The following NARS2 variants were observed in gnomAD, a reference collection of about 807,000 sequenced individuals.
NARS2 encodes the protein asparaginyl-tRNA synthetase.
NARS2 carries 60 observed loss-of-function variants against 62.9 expected under a neutral mutation model. That is an observed-to-expected ratio of 0.95 (90% confidence interval 0.77 to 1.18). The LOEUF (loss-of-function observed/expected upper bound fraction) is 1.18, where lower values mean the gene tolerates loss of function less well. NARS2 is among the 50% of genes most tolerant of loss of function. The pLI is 0.00. For synonymous variants in NARS2, 196 were observed against 200.0 expected, an observed-to-expected ratio of 0.98 and a Z score of 0.17; for missense variants, 619 against 576.4, an observed-to-expected ratio of 1.07 and a Z score of -0.76.
intron 11 of NARS2, among the ~76,000 whole-genome samples, chr11:78,454,532 C>T (rs1858085930): frequency 1.3e-5 from 2 of 151,938 alleles, no homozygotes; most frequent in Admixed American, 1.3e-4. Flanking sequence ...GAGGCCACAC[C>T]AGAAGCTGAG....
chr11:78,511,824 T>C (rs1355796520), intron 6 of NARS2, among the ~76,000 whole-genome samples: 1 of 152,164 alleles, frequency 6.6e-6, no homozygotes, highest in Non-Finnish European at 1.5e-5. Context: ...TCAATAAAGT[T>C]GATTAAGAAA....
intron 6 of NARS2, among the ~76,000 whole-genome samples, chr11:78,503,320 C>T (rs1247955612): frequency 6.6e-6 from 1 of 152,176 alleles, no homozygotes; most frequent in Non-Finnish European, 1.5e-5. Context: ...TCACTGCAAC[C>T]CCCGCCTCCC....
chr11:78,470,882 ATTTTTT>A, intron 9 of NARS2, among the ~76,000 whole-genome samples: 1 of 135,162 alleles, frequency 7.4e-6, no homozygotes. Flanking sequence ...AGTATTTTGG[ATTTTTT>A]TTTTTTTTTT....
chr11:78,436,838 A>T (rs1591111540), intron 13 of NARS2, 24 bp from the exon 14 acceptor site: 1 of 1,608,024 alleles, frequency 6.2e-7, no homozygotes. Context: ...ATAGAAAATC[A>T]TCATCTATAT....
At chr11:78,542,099 T>C (rs1314649440) in intron 5 of NARS2, among the ~76,000 whole-genome samples, 1 of 152,202 alleles carries the variant, frequency 6.6e-6, no homozygotes, top group East Asian at 1.9e-4. Context: ...TTTCTTAAAA[T>C]AAGGGTTCAT....
chr11:78,456,718 G>A (rs1200401300), intron 11 of NARS2, among the ~76,000 whole-genome samples: 2 of 152,138 alleles, frequency 1.3e-5, no homozygotes, highest in African/African-American at 4.8e-5. Flanking sequence ...CAAGGACTGA[G>A]GGGCAGTCAC....
intron 10 of NARS2, among the ~76,000 whole-genome samples, chr11:78,466,605 C>T (rs1293233562): frequency 2.0e-5 from 3 of 152,034 alleles, no homozygotes; most frequent in Non-Finnish European, 4.4e-5. Context: ...CTCAGCCTCC[C>T]AAGTAACTGG....
chr11:78,443,839 C>T (rs1012650568), intron 11 of NARS2, 81 bp from the exon 12 acceptor site: 156 of 1,036,152 alleles, frequency 1.5e-4, no homozygotes, highest in Middle Eastern at 2.1e-4. Flanking sequence ...AAACCTTTAA[C>T]ATTTTGGCAA....
chr11:78,459,411 C>G (rs922690290), intron 11 of NARS2, among the ~76,000 whole-genome samples: 2 of 150,810 alleles, frequency 1.3e-5, no homozygotes, highest in African/African-American at 2.5e-5. Context: ...GCTGGGATTA[C>G]AGGTGTGTAC....
At chr11:78,484,660 A>T (rs1272687364) in intron 7 of NARS2, among the ~76,000 whole-genome samples, 1 of 152,244 alleles carries the variant, frequency 6.6e-6, no homozygotes, top group Non-Finnish European at 1.5e-5. Flanking sequence ...TCATTAGAAA[A>T]ATGCAAATAA....
intron 2 of NARS2, among the ~76,000 whole-genome samples, chr11:78,571,088 A>G (rs1856906106): frequency 6.6e-6 from 1 of 152,176 alleles, no homozygotes. Context: ...GCCGCAGGTA[A>G]TTAAGAAAGA....
chr11:78,549,310 A>G (rs181469409), intron 5 of NARS2, among the ~76,000 whole-genome samples: 68 of 152,340 alleles, frequency 4.5e-4, no homozygotes, highest in Non-Finnish European at 8.4e-4. Context: ...TCTTGTAGTG[A>G]GAATGATCCA....
intron 11 of NARS2, among the ~76,000 whole-genome samples, chr11:78,454,112 C>T (rs142650779): frequency 9.2e-4 from 139 of 151,532 alleles, no homozygotes; most frequent in African/African-American, 3.3e-3. Context: ...TTATGAGTTC[C>T]TCCACTTGAG....
intron 6 of NARS2, among the ~76,000 whole-genome samples, chr11:78,513,479 A>G (rs1860792558): frequency 6.6e-6 from 1 of 151,944 alleles, no homozygotes. Flanking sequence ...GATCCCACAA[A>G]TAAGTAAGAA....
chr11:78,570,998 C>CA (rs1193265483), intron 2 of NARS2, among the ~76,000 whole-genome samples: 1 of 152,112 alleles, frequency 6.6e-6, no homozygotes, highest in East Asian at 1.9e-4. Flanking sequence ...CTATGAAAGA[C>CA]AAGAGGAGAA....
At chr11:78,468,039 GAAAAAAAAA>G (rs779408846) in intron 10 of NARS2, among the ~76,000 whole-genome samples, 1,242 of 86,118 alleles carry the variant, frequency 0.014, 8 homozygotes, top group Non-Finnish European at 0.024. Flanking sequence ...AGTAAGTATT[GAAAAAAAAA>G]AAAAAAAAAG....
At chr11:78,549,321 T>C (rs1427935038) in intron 5 of NARS2, among the ~76,000 whole-genome samples, 5 of 152,206 alleles carry the variant, frequency 3.3e-5, no homozygotes, top group African/African-American at 2.4e-5. Flanking sequence ...GAATGATCCA[T>C]TGTCCCTTCC....
intron 4 of NARS2, among the ~76,000 whole-genome samples, chr11:78,565,780 A>C (rs1590873419): frequency 6.6e-6 from 1 of 152,296 alleles, no homozygotes; most frequent in Admixed American, 6.5e-5. Context: ...ATCATTCTCA[A>C]GGCTGTAGGT....
chr11:78,485,742 G>A (rs571953448), intron 7 of NARS2, among the ~76,000 whole-genome samples: 1 of 152,284 alleles, frequency 6.6e-6, no homozygotes, highest in East Asian at 1.9e-4. Flanking sequence ...AGCCCCAGTT[G>A]TGGAGTGGCA....
Sources: gnomAD v4.1 joint callset for allele counts (sites outside exome capture counted in the v4.1 genomes callset) on GRCh38, gnomAD v4.1.1 for gene constraint, MANE v1.5 for transcripts, NCBI Gene and HGNC (gene_info 2026-07-23, HGNC 2026-07-21) for gene names.